GALNT12: variants seen among roughly 807,000 people sequenced by gnomAD.
GALNT12 encodes UDP-GalNAc:polypeptide N-acetylgalactosaminyltransferase 12.
A neutral mutation model predicts 55.5 loss-of-function variants in GALNT12; 45 were observed. The ratio of observed to expected loss-of-function variants is 0.81; its 90% CI spans 0.64 to 1.04. GALNT12 has a LOEUF of 1.04. Ranked by LOEUF, GALNT12 falls within the 50% of genes least tolerant of loss-of-function variation. The pLI is 0.00. For missense variants in GALNT12, 709 were observed against 754.8 expected, an observed-to-expected ratio of 0.94 and a Z score of 0.71; for synonymous variants, 304 against 312.2, an observed-to-expected ratio of 0.97 and a Z score of 0.28.
At position 98,849,135 on chromosome 9, in the gene GALNT12, C is replaced by A; in HGVS notation, c.*43C>A. 1 of 1,608,820 alleles carries A rather than the reference C, an allele frequency of 6.2e-7. No individual in the cohort carries two copies. The highest frequency in any genetic ancestry group is 1.1e-5 in the South Asian group (1 of 90,930). ...AGCCCATCGAAGGAGACTGTGGAGC[C>A]AGGACTCTGCCCAACAAAGACTTAG... is the stretch of plus-strand genomic sequence containing the variant. On this transcript the variant is annotated 3_prime_UTR_variant, in exon 10 of 10. Coordinates refer to ENST00000375011, the MANE Select transcript of GALNT12 (RefSeq NM_024642.5).
Position 98,849,089 on chromosome 9 carries a change from A to G in GALNT12, c.1743A>G (p.Leu581=), listed in dbSNP as rs141108592. ...HQKWFFKERM[L] is the part of the protein sequence containing the mutation. Reference sequence around the variant, plus strand: ...AATGGTTCTTCAAAGAGCGCATGTTATGAAGCCTCGTGTATCAAGGAGCCC... The same window carrying G: ...AATGGTTCTTCAAAGAGCGCATGTTGTGAAGCCTCGTGTATCAAGGAGCCC... Residue 581 remains leucine (L), a synonymous_variant, in exon 10 of 10, where the codon TTA becomes TTG. Transcript: ENST00000375011. 3.3e-5 allele frequency: 54 copies of G among 1,614,208 alleles called. No homozygotes were observed. In the African/African-American group the frequency reaches 6.3e-4, roughly 19 times the overall value.
intron 9 of GALNT12, among the ~76,000 whole-genome samples, chr9:98,847,901 C>A (rs1261730092): frequency 1.3e-5 from 2 of 150,942 alleles, no homozygotes; most frequent in African/African-American, 4.9e-5. Flanking sequence ...CAACCTCTGC[C>A]TCCTGGGTTC....
intron 5 of GALNT12, 123 bp downstream of exon 5, chr9:98,835,489 G>T (rs1054410659): frequency 1.4e-5 from 11 of 770,364 alleles, no homozygotes; most frequent in Non-Finnish European, 2.6e-5. Context: ...CTATAAACAT[G>T]CTTGCTTTCT....
At chr9:98,827,520 C>T (rs924122756) in intron 3 of GALNT12, among the ~76,000 whole-genome samples, 4 of 152,224 alleles carry the variant, frequency 2.6e-5, no homozygotes, top group African/African-American at 9.6e-5. Flanking sequence ...GAGGAAGTAT[C>T]ATCAACCAAG....
In GALNT12 at chr9:98,837,129, G is replaced by A. The variant is rs769674764; in HGVS notation, c.1193G>A (p.Arg398His). 5.0e-6 allele frequency: 8 copies of A among 1,613,984 alleles called. No individual in the cohort carries two copies. The highest frequency in any genetic ancestry group is 3.3e-5 in the South Asian group (3 of 91,084). Residue 398 changes from arginine to histidine, a missense_variant, in exon 6 of 10, where the codon CGC becomes CAC. Arg to His is a conservative substitution (Grantham distance 29, BLOSUM62 0). This residue lies in a region of GALNT12 where 262 missense variants were observed against 310.7 expected (regional missense o/e 0.84). Coordinates refer to ENST00000375011, the MANE Select transcript of GALNT12 (RefSeq NM_024642.5). Reference sequence around the variant, plus strand: ...GAATTTAAAGAGCTCTACTACCATCGCAACCCCCGTGCCCGCTTGGTGAGT... The same window carrying A: ...GAATTTAAAGAGCTCTACTACCATCACAACCCCCGTGCCCGCTTGGTGAGT... ...MDEFKELYYHRNPRARLEPFG... is the reference protein window; with the variant it reads ...MDEFKELYYHHNPRARLEPFG...
chr9:98,819,963 T>C lies in GALNT12; in HGVS notation c.372-3293T>C, dbSNP rs1453497916. On this transcript the variant is annotated intron_variant, in intron 1 of 9. Coordinates refer to ENST00000375011, the MANE Select transcript of GALNT12 (RefSeq NM_024642.5). ...CTAACATAGGAAGTGGTTTTGAAGG[T>C]AAAATGAAGTACTACATGTCATCAA... Among the ~76,000 whole-genome samples the C allele has an allele frequency of 2.0e-5, 3 of 152,220 alleles. No individual in the cohort carries two copies. The East Asian group carries it at 5.8e-4, about 29-fold the overall frequency.
chr9:98,838,897 G>A (rs182022600), intron 6 of GALNT12, among the ~76,000 whole-genome samples: 1 of 152,346 alleles, frequency 6.6e-6, no homozygotes, highest in East Asian at 1.9e-4. Flanking sequence ...TCCAGGCCCT[G>A]TGGCTGATAG....
chr9:98,834,825 A>G (rs1588452102), intron 4 of GALNT12, among the ~76,000 whole-genome samples: 1 of 151,872 alleles, frequency 6.6e-6, no homozygotes, highest in East Asian at 1.9e-4. Context: ...TATGCTTCTA[A>G]ATGTCCCTGG....
At position 98,831,831 on chromosome 9, in the gene GALNT12, C is replaced by A; in HGVS notation, c.791C>A (p.Thr264Asn). ...GTGATTGATGTGATCGACTGGAACA[C>A]CTTCGAATACCTGGGGAACTCCGGG... ...CPVIDVIDWN[T>N]FEYLGNSGEP... is the part of the protein sequence containing the mutation. Residue 264 changes from threonine to asparagine, a missense_variant, in exon 4 of 10, where the codon ACC (threonine) becomes AAC (asparagine). Physicochemically the swap from Thr to Asn is moderately conservative, Grantham distance 65. Around this residue, in one of 5 missense-constraint regions of GALNT12, gnomAD observed 315 missense variants for 288.6 expected, o/e 1.09. Transcript: ENST00000375011. The A allele has an allele frequency of 6.2e-7, 1 of 1,614,184 alleles. No homozygotes were observed. Among genetic ancestry groups the A allele is most frequent in the Non-Finnish European group, 8.5e-7 (1 of 1,180,034 alleles).
intron 3 of GALNT12, among the ~76,000 whole-genome samples, chr9:98,828,618 C>T (rs555077398): frequency 3.4e-4 from 52 of 152,316 alleles, no homozygotes; most frequent in Admixed American, 9.8e-4. Context: ...GGGGATTTTC[C>T]ACCTCGGTTG....
At chr9:98,836,503 T>G (rs940065164) in intron 5 of GALNT12, among the ~76,000 whole-genome samples, 1 of 152,146 alleles carries the variant, frequency 6.6e-6, no homozygotes, top group African/African-American at 2.4e-5. Flanking sequence ...GTTGAGTCTT[T>G]GGGTGTGCTT....
At chr9:98,829,520 T>A (rs1010143226) in intron 3 of GALNT12, among the ~76,000 whole-genome samples, 2 of 152,228 alleles carry the variant, frequency 1.3e-5, no homozygotes, top group East Asian at 3.9e-4. Context: ...TAAATTATTT[T>A]TTTTTTTTAC....
chr9:98,825,146 T>C (rs1835829776), intron 2 of GALNT12, among the ~76,000 whole-genome samples: 1 of 152,250 alleles, frequency 6.6e-6, no homozygotes, highest in South Asian at 2.1e-4. Flanking sequence ...TGTTAGATGA[T>C]AACTTCTATT....
At chr9:98,823,769 C>T (rs1245037311) in intron 2 of GALNT12, among the ~76,000 whole-genome samples, 1 of 152,176 alleles carries the variant, frequency 6.6e-6, no homozygotes, top group African/African-American at 2.4e-5. Context: ...GGGAGCTTTG[C>T]AGACAGCAAG....
intron 1 of GALNT12, among the ~76,000 whole-genome samples, chr9:98,819,511 A>G (rs952709517): frequency 6.6e-6 from 1 of 152,134 alleles, no homozygotes; most frequent in Admixed American, 6.5e-5. Flanking sequence ...TATAAAGCTG[A>G]CTGAGAACAG....
Position 98,844,108 on chromosome 9 carries a change from G to A in GALNT12, c.1357G>A (p.Gly453Arg). Residue 453 changes from glycine to arginine, a missense_variant, in exon 8 of 10, where the codon GGA becomes AGA. Transcript: ENST00000375011. ...ATGTTTTATTTAGCTCCAGAACAAAGGACTAACAGACTACTGCTTTGACTA... is the reference window on the plus strand; with the variant it reads ...ATGTTTTATTTAGCTCCAGAACAAAAGACTAACAGACTACTGCTTTGACTA... Reference protein sequence around the residue: ...PGFFGMLQNKGLTDYCFDYNP... With the variant: ...PGFFGMLQNKRLTDYCFDYNP... 1 of 1,611,612 alleles carries A rather than the reference G, an allele frequency of 6.2e-7. No individual in the cohort carries two copies. Among genetic ancestry groups the A allele is most frequent in the South Asian group, 1.1e-5 (1 of 91,014 alleles).
chr9:98,828,827 ACT>A (rs1835921724), intron 3 of GALNT12, among the ~76,000 whole-genome samples: 1 of 150,836 alleles, frequency 6.6e-6, no homozygotes. Context: ...ATCCACTCAT[ACT>A]CTTTTTTTCT....
chr9:98,826,883 A>T lies in GALNT12; in HGVS notation c.673A>T (p.Thr225Ser), dbSNP rs531023279. The change falls in exon 3 of 10, where the codon ACC becomes TCC. Residue 225 changes from threonine to serine, a missense_variant. By Grantham distance (58) the Thr-to-Ser change is moderately conservative. This residue lies in a region of GALNT12 where 315 missense variants were observed against 288.6 expected (regional missense o/e 1.09). Coordinates refer to ENST00000375011, the MANE Select transcript of GALNT12 (RefSeq NM_024642.5). ...GASAARGDVL[T>S]FLDCHCECHE... is the part of the protein sequence containing the mutation. ...GTCTGCGGCGAGGGGCGATGTTCTG[A>T]CCTTCCTGGACTGTCACTGTGAGTG... The T allele has an allele frequency of 3.4e-4, 547 of 1,589,620 alleles. 4 individuals are homozygous for T. The South Asian group carries it at 5.8e-3, about 17-fold the overall frequency.
At chr9:98,819,632 G>A (rs926790974) in intron 1 of GALNT12, among the ~76,000 whole-genome samples, 6 of 152,184 alleles carry the variant, frequency 3.9e-5, no homozygotes, top group Non-Finnish European at 7.4e-5. Context: ...TGCTGTAGAG[G>A]CTGTCCTGGC....
Sources: allele counts gnomAD v4.1 joint callset (sites outside exome capture counted in the v4.1 genomes callset), GRCh38; gene constraint gnomAD v4.1.1; regional missense constraint gnomAD v4.1.1; transcripts MANE v1.5; gene names NCBI Gene and HGNC (gene_info 2026-07-23, HGNC 2026-07-21).